Variants in EXOC2 observed in about 807,000 individuals in gnomAD.
EXOC2 encodes the protein SEC5-like 1.
A neutral mutation model predicts 131.8 loss-of-function variants in EXOC2; 70 were observed. The ratio of observed to expected loss-of-function variants is 0.53; its 90% CI spans 0.44 to 0.65. The LOEUF is 0.65. Ranked by LOEUF, EXOC2 falls within the 30% of genes least tolerant of loss-of-function variation. The probability of loss-of-function intolerance (pLI) is 0.00; values close to 1 mark genes in which losing one functional copy is unlikely to be tolerated. For missense variants in EXOC2, 923 were observed against 1,108.6 expected, an observed-to-expected ratio of 0.83 and a Z score of 2.38; for synonymous variants, 411 against 398.4, an observed-to-expected ratio of 1.03 and a Z score of -0.38.
In EXOC2 at chr6:637,723, C is replaced by A; in HGVS notation, c.96G>T (p.Gly32=). Residue 32 remains glycine (G), a synonymous_variant, in exon 2 of 28, where the codon GGG becomes GGT. Transcript: ENST00000230449. The part of the protein sequence containing the change: ...TKVTIRGENL[G]TGPTDLIGLT... ...TACCTATGAGGTCGGTGGGGCCAGT[C>A]CCCAGATTTTCTCCCCTGATTGTGA... is the stretch of plus-strand genomic sequence containing the variant. 6.2e-7 allele frequency: 1 copy of A among 1,613,714 alleles called. No homozygotes were observed. Among genetic ancestry groups the A allele is most frequent in the Non-Finnish European group, 8.5e-7 (1 of 1,179,868 alleles).
At chr6:500,382 AC>A (rs1763974259) in intron 23 of EXOC2, among the ~76,000 whole-genome samples, 1 of 152,230 alleles carries the variant, frequency 6.6e-6, no homozygotes. Flanking sequence ...AAGCAGAAAC[AC>A]ACAGGATTTA....
intron 17 of EXOC2, among the ~76,000 whole-genome samples, chr6:557,492 C>T (rs1247044616): frequency 6.6e-6 from 1 of 151,686 alleles, no homozygotes; most frequent in Non-Finnish European, 1.5e-5. Flanking sequence ...GTGGCACGCG[C>T]CTGTAGTCCC....
At chr6:571,456 G>A (rs1169844135) in intron 13 of EXOC2, among the ~76,000 whole-genome samples, 1 of 152,154 alleles carries the variant, frequency 6.6e-6, no homozygotes, top group Non-Finnish European at 1.5e-5. Flanking sequence ...GGCACTTGGA[G>A]TTCAAATATA....
At chr6:585,094 T>C (rs1025116048) in intron 11 of EXOC2, among the ~76,000 whole-genome samples, 35 of 152,156 alleles carry the variant, frequency 2.3e-4, no homozygotes, top group Admixed American at 1.9e-3. Flanking sequence ...TTAACATGTA[T>C]AACAATTCAG....
At chr6:591,215 C>T (rs1759521968) in intron 11 of EXOC2, among the ~76,000 whole-genome samples, 1 of 152,204 alleles carries the variant, frequency 6.6e-6, no homozygotes, top group Non-Finnish European at 1.5e-5. Context: ...CTATGGGCGG[C>T]CAGAGTCGTC....
intron 1 of EXOC2, among the ~76,000 whole-genome samples, chr6:664,863 C>G (rs1278478259): frequency 6.6e-6 from 1 of 152,130 alleles, no homozygotes; most frequent in Non-Finnish European, 1.5e-5. Context: ...AAAACCCCTT[C>G]TAGACATTGG....
chr6:623,185 G>A (rs1761381977), intron 4 of EXOC2, among the ~76,000 whole-genome samples: 1 of 152,240 alleles, frequency 6.6e-6, no homozygotes, highest in South Asian at 2.1e-4. Flanking sequence ...ACGGGTGGCA[G>A]AGCCTGAGAC....
chr6:536,816 T>A (rs900707816), intron 22 of EXOC2, among the ~76,000 whole-genome samples: 3 of 152,172 alleles, frequency 2.0e-5, no homozygotes, highest in Non-Finnish European at 2.9e-5. Context: ...AAAAGCTTGA[T>A]ACAATGGATC....
chr6:580,039 GTT>G (rs1215297669), intron 11 of EXOC2, among the ~76,000 whole-genome samples: 1 of 85,532 alleles, frequency 1.2e-5, no homozygotes, highest in Non-Finnish European at 2.5e-5. Context: ...GCCGGGTGCA[GTT>G]TTTTTTGTTT....
intron 11 of EXOC2, among the ~76,000 whole-genome samples, chr6:586,524 A>C (rs546684160): frequency 2.6e-5 from 4 of 152,350 alleles, no homozygotes; most frequent in Admixed American, 2.0e-4. Context: ...GTATAGCAAA[A>C]TAGCATAAAA....
In EXOC2 at chr6:538,929, G is replaced by A. The variant is rs12055772; in HGVS notation, c.2239-6319C>T. 5.2e-3 allele frequency among the ~76,000 whole-genome samples: 797 copies of A among 152,132 alleles called. 40 individuals are homozygous for A. The East Asian group carries it at 0.13, about 26-fold the overall frequency. ...TCTACTAAAAATACGAAAATTAGCC[G>A]GCTGTGGTGACAGGTGCCTGTAATC... On this transcript the variant is annotated intron_variant, in intron 22 of 27. Coordinates refer to ENST00000230449, the MANE Select transcript of EXOC2 (RefSeq NM_018303.6).
intron 23 of EXOC2, among the ~76,000 whole-genome samples, chr6:530,802 T>A (rs1046974859): frequency 1.3e-5 from 2 of 152,210 alleles, no homozygotes; most frequent in African/African-American, 4.8e-5. Context: ...CAACCAACCA[T>A]GAATGGAAAA....
chr6:605,180 C>G (rs1241960049), intron 7 of EXOC2, among the ~76,000 whole-genome samples: 1 of 152,128 alleles, frequency 6.6e-6, no homozygotes, highest in Non-Finnish European at 1.5e-5. Flanking sequence ...GTACAACACC[C>G]CATGGGCAGG....
At chr6:500,591 A>C (rs1369799902) in intron 23 of EXOC2, among the ~76,000 whole-genome samples, 1 of 152,216 alleles carries the variant, frequency 6.6e-6, no homozygotes, top group African/African-American at 2.4e-5. Context: ...CACAGCGTTC[A>C]CTAAGAGCTT....
At chr6:499,461 A>ACACG (rs1763918727) in intron 24 of EXOC2, among the ~76,000 whole-genome samples, 184 bp downstream of exon 24, 1 of 151,668 alleles carries the variant, frequency 6.6e-6, no homozygotes, top group Non-Finnish European at 1.5e-5. Flanking sequence ...ACACACACAC[A>ACACG]CACACACACA....
At chr6:556,384 A>T in intron 18 of EXOC2, 100 bp downstream of exon 18, 2 of 1,188,696 alleles carry the variant, frequency 1.7e-6, no homozygotes, top group Non-Finnish European at 2.5e-6. Flanking sequence ...GCAGGCGAAG[A>T]GGGAGAAAAG....
At chr6:494,024 C>T (rs574395117) in intron 25 of EXOC2, among the ~76,000 whole-genome samples, 14 of 152,326 alleles carry the variant, frequency 9.2e-5, no homozygotes, top group African/African-American at 1.7e-4. Flanking sequence ...GTAGCGACTG[C>T]GACTGCCTGT....
intron 23 of EXOC2, among the ~76,000 whole-genome samples, chr6:528,766 T>C (rs1300421938): frequency 5.3e-5 from 8 of 152,226 alleles, no homozygotes; most frequent in Admixed American, 5.2e-4. Context: ...CAGACTCTTA[T>C]TAAGATCAAC....
At chr6:617,117 T>A (rs955884237) in intron 6 of EXOC2, among the ~76,000 whole-genome samples, 3 of 152,244 alleles carry the variant, frequency 2.0e-5, no homozygotes, top group Non-Finnish European at 4.4e-5. Flanking sequence ...AGTTAACTTT[T>A]ATTGATATAG....
Sources: gnomAD v4.1 joint callset for allele counts (sites outside exome capture counted in the v4.1 genomes callset) on GRCh38, gnomAD v4.1.1 for gene constraint, MANE v1.5 for transcripts, NCBI Gene and HGNC (gene_info 2026-07-23, HGNC 2026-07-21) for gene names.